Variants in KCTD8 observed in about 807,000 individuals in gnomAD.
KCTD8 encodes potassium channel tetramerization domain containing 8, also known as BTB/POZ domain-containing protein KCTD8.
A neutral mutation model predicts 31.5 loss-of-function variants in KCTD8; 27 were observed. That is an observed-to-expected ratio of 0.86 (90% confidence interval 0.63 to 1.18). The LOEUF (loss-of-function observed/expected upper bound fraction) is 1.18. KCTD8 is among the 50% of genes most tolerant of loss of function. The pLI, the probability that KCTD8 is intolerant of heterozygous loss-of-function variation, is 0.00. For missense variants in KCTD8, 658 were observed against 647.7 expected (o/e 1.02, Z -0.17); for synonymous variants, 290 against 280.0 (o/e 1.04, Z -0.36).
rs908976031 is a variant in KCTD8, at chr4:44,385,511, G to C, written c.961+62052C>G. Among the ~76,000 whole-genome samples, 4 of 151,738 alleles carry C rather than the reference G, an allele frequency of 2.6e-5. No individual in the cohort carries two copies. In the East Asian group the frequency reaches 7.8e-4, roughly 29 times the overall value. ...ACTGTATATCTATATATAAAAGAAA[G>C]AGTTTGGACCTTTACCTTATGTCAC... is the stretch of plus-strand genomic sequence containing the variant. On this transcript the variant is annotated intron_variant, in intron 1 of 1. Transcript: ENST00000360029.
chr4:44,287,482 C>T (rs1184329571), intron 1 of KCTD8, among the ~76,000 whole-genome samples: 2 of 152,088 alleles, frequency 1.3e-5, no homozygotes, highest in African/African-American at 4.8e-5. Context: ...ATTTGGCTAA[C>T]CTATGTGGTA....
chr4:44,390,125 A>G (rs1049147384), intron 1 of KCTD8, among the ~76,000 whole-genome samples: 6 of 152,022 alleles, frequency 3.9e-5, no homozygotes, highest in Non-Finnish European at 7.4e-5. Flanking sequence ...GTTGTGCAGA[A>G]GCATTTTAGT....
At chr4:44,232,077 C>G (rs984049100) in intron 1 of KCTD8, among the ~76,000 whole-genome samples, 1 of 152,098 alleles carries the variant, frequency 6.6e-6, no homozygotes. Flanking sequence ...ATGCAAATTT[C>G]TCGGTCTTCA....
intron 1 of KCTD8, among the ~76,000 whole-genome samples, chr4:44,207,028 C>T (rs1714335521): frequency 6.6e-6 from 1 of 152,176 alleles, no homozygotes; most frequent in South Asian, 2.1e-4. Flanking sequence ...GGCCAAGTAT[C>T]AGATAAGCAA....
chr4:44,420,756 T>C (rs1238834193), intron 1 of KCTD8, among the ~76,000 whole-genome samples: 1 of 152,030 alleles, frequency 6.6e-6, no homozygotes, highest in African/African-American at 2.4e-5. Context: ...CCTTGTGAAA[T>C]AAAATAATCA....
In KCTD8 at chr4:44,271,526, C is replaced by CA. The variant is rs550409868; in HGVS notation, c.962-96277dup. Among the ~76,000 whole-genome samples, 123 of 152,130 alleles carry CA rather than the reference C, an allele frequency of 8.1e-4. 1 individual carries two copies. Among genetic ancestry groups the CA allele is most frequent in the African/African-American group, 2.9e-3 (122 of 41,514 alleles). The stretch of plus-strand genomic sequence containing the variant: ...AACTGGTCCCAAAACTGGCCATAAA[C>CA]AAAATCTCTGCAGCATTGTGACATG... On this transcript the variant is annotated intron_variant, in intron 1 of 1. Transcript: ENST00000360029.
At chr4:44,329,245 T>A (rs899486585) in intron 1 of KCTD8, among the ~76,000 whole-genome samples, 3 of 151,588 alleles carry the variant, frequency 2.0e-5, no homozygotes, top group Non-Finnish European at 2.9e-5. Flanking sequence ...TGCTGAGATA[T>A]CAAGAAATGA....
At chr4:44,196,103 A>C (rs1713933866) in intron 1 of KCTD8, among the ~76,000 whole-genome samples, 1 of 152,252 alleles carries the variant, frequency 6.6e-6, no homozygotes, top group Non-Finnish European at 1.5e-5. Context: ...TGCCAACTAG[A>C]ACTTGCTTGA....
chr4:44,330,144 C>A (rs1054824501), intron 1 of KCTD8, among the ~76,000 whole-genome samples: 1 of 151,818 alleles, frequency 6.6e-6, no homozygotes, highest in Non-Finnish European at 1.5e-5. Flanking sequence ...AGGTTAGATA[C>A]GTTTGAATCT....
chr4:44,306,405 T>C (rs1020451989), intron 1 of KCTD8, among the ~76,000 whole-genome samples: 9 of 152,016 alleles, frequency 5.9e-5, no homozygotes, highest in African/African-American at 1.7e-4. Flanking sequence ...TATTAAAATA[T>C]ATGTCTCTCA....
intron 1 of KCTD8, among the ~76,000 whole-genome samples, chr4:44,178,180 C>T (rs1229303142): frequency 6.6e-6 from 1 of 151,956 alleles, no homozygotes; most frequent in Non-Finnish European, 1.5e-5. Context: ...AACTACTTTC[C>T]CCATAGGAGC....
intron 1 of KCTD8, among the ~76,000 whole-genome samples, chr4:44,404,482 T>G (rs1248646239): frequency 2.0e-5 from 3 of 152,210 alleles, no homozygotes; most frequent in African/African-American, 7.2e-5. Flanking sequence ...ATATGACATT[T>G]TATATTTCTA....
chr4:44,322,357 G>A (rs1458716422), intron 1 of KCTD8, among the ~76,000 whole-genome samples: 1 of 151,880 alleles, frequency 6.6e-6, no homozygotes, highest in Non-Finnish European at 1.5e-5. Context: ...ATGATGTTGA[G>A]CATTTTTTTC....
At chr4:44,382,287 G>GA (rs772356096) in intron 1 of KCTD8, among the ~76,000 whole-genome samples, 2 of 151,930 alleles carry the variant, frequency 1.3e-5, no homozygotes. Flanking sequence ...AAACACATTT[G>GA]AAAAAAATTA....
intron 1 of KCTD8, among the ~76,000 whole-genome samples, chr4:44,235,528 TATATATATATA>T (rs1715252878): frequency 9.6e-4 from 9 of 9,376 alleles, no homozygotes; most frequent in Admixed American, 6.9e-3. Flanking sequence ...CACTGGATTA[TATATATATATA>T]TATATATATA....
chr4:44,336,476 A>C (rs951189333), intron 1 of KCTD8, among the ~76,000 whole-genome samples: 2 of 151,996 alleles, frequency 1.3e-5, no homozygotes, highest in Non-Finnish European at 2.9e-5. Flanking sequence ...TCAATTAGAC[A>C]ACATTTTATT....
chr4:44,273,746 T>C (rs1400192351), intron 1 of KCTD8, among the ~76,000 whole-genome samples: 1 of 151,908 alleles, frequency 6.6e-6, no homozygotes, highest in Non-Finnish European at 1.5e-5. Flanking sequence ...AAACCCAACA[T>C]GTCAGTTAAG....
At chr4:44,348,804 G>A (rs1387588587) in intron 1 of KCTD8, among the ~76,000 whole-genome samples, 2 of 151,956 alleles carry the variant, frequency 1.3e-5, no homozygotes, top group African/African-American at 4.8e-5. Context: ...TTCTTGCTGT[G>A]TTCACCCTCC....
At position 44,447,746 on chromosome 4, in the gene KCTD8, G is replaced by A; in HGVS notation, c.778C>T (p.Arg260Trp). The change falls in exon 1 of 2, where the codon CGG becomes TGG. Residue 260 changes from arginine to tryptophan, a missense_variant. Coordinates refer to ENST00000360029, the MANE Select transcript of KCTD8 (RefSeq NM_198353.3). Reference protein sequence around the residue: ...DTLNESRDPDRQPEKYTSRFY... With the variant: ...DTLNESRDPDWQPEKYTSRFY... The stretch of plus-strand genomic sequence containing the variant: ...CGGGACGTGTACTTCTCCGGCTGCC[G>A]GTCGGGGTCGCGGCTCTCGTTGAGC... The A allele has an allele frequency of 1.2e-6, 2 of 1,612,122 alleles. No individual in the cohort carries two copies. Among genetic ancestry groups the A allele is most frequent in the East Asian group, 2.2e-5 (1 of 44,740 alleles).
Sources: allele counts gnomAD v4.1 joint callset (sites outside exome capture counted in the v4.1 genomes callset), GRCh38; gene constraint gnomAD v4.1.1; transcripts MANE v1.5; gene names NCBI Gene and HGNC (gene_info 2026-07-23, HGNC 2026-07-21).